The following AR variants were observed in gnomAD, a reference collection of about 807,000 sequenced individuals.
AR encodes the protein dihydrotestosterone receptor.
In AR, 8 loss-of-function variants were observed where a neutral mutation model predicts 53.9. The ratio of observed to expected loss-of-function variants is 0.15; its 90% CI spans 0.09 to 0.27. AR has a LOEUF of 0.27. Among genes scored for constraint, AR ranks in the 10% least tolerant of loss-of-function variants. AR has a pLI of 1.00. For missense variants in AR, 639 were observed against 742.5 expected (o/e 0.86, Z 1.62); for synonymous variants, 359 against 316.4 (o/e 1.13, Z -1.43).
At chrX:67,605,245 C>G (rs1923569975) in intron 1 of AR, among the ~76,000 whole-genome samples, 1 of 112,326 alleles carries the variant, frequency 8.9e-6, no homozygotes, top group South Asian at 3.7e-4. Flanking sequence ...ACTTTTGTCC[C>G]TCAGGGACCA....
At chrX:67,609,060 G>A (rs1923760516) in intron 1 of AR, among the ~76,000 whole-genome samples, 1 of 110,473 alleles carries the variant, frequency 9.1e-6, no homozygotes. Context: ...ACAGATATAA[G>A]ACATTTTCAT....
intron 2 of AR, among the ~76,000 whole-genome samples, chrX:67,666,823 C>G (rs760094755): frequency 9.0e-6 from 1 of 111,614 alleles, no homozygotes; most frequent in African/African-American, 3.2e-5. Flanking sequence ...AGGTTGAGGA[C>G]CTTGTCATAT....
chrX:67,636,510 A>G (rs898045889), intron 1 of AR, among the ~76,000 whole-genome samples: 1 of 111,461 alleles, frequency 9.0e-6, no homozygotes, highest in African/African-American at 3.3e-5. Context: ...TTCATTGCTG[A>G]TTGTAGTTTA....
chrX:67,622,417 G>T (rs1924424241), intron 1 of AR, among the ~76,000 whole-genome samples: 1 of 111,756 alleles, frequency 8.9e-6, no homozygotes, highest in South Asian at 3.8e-4. Flanking sequence ...CCATTTATGA[G>T]AGTGATTCCA....
chrX:67,609,098 T>A (rs1221700920), intron 1 of AR, among the ~76,000 whole-genome samples: 1 of 111,408 alleles, frequency 9.0e-6, no homozygotes, highest in Non-Finnish European at 1.9e-5. Context: ...TTGGAAAGCA[T>A]TGCCCTGGAG....
chrX:67,710,102 TTAGA>T (rs753615162), intron 3 of AR, among the ~76,000 whole-genome samples: 39 of 108,546 alleles, frequency 3.6e-4, no homozygotes, highest in Middle Eastern at 4.7e-3. Flanking sequence ...GTGTGTGTGT[TTAGA>T]GAGAGAGAGA....
chrX:67,693,063 A>G (rs2076003099), intron 3 of AR, among the ~76,000 whole-genome samples: 1 of 112,884 alleles, frequency 8.9e-6, no homozygotes, highest in African/African-American at 3.2e-5. Context: ...GGGATAGCAC[A>G]TATATGTTGT....
intron 2 of AR, among the ~76,000 whole-genome samples, chrX:67,673,229 T>C (rs2075876991): frequency 9.1e-6 from 1 of 110,397 alleles, no homozygotes; most frequent in South Asian, 3.8e-4. Flanking sequence ...GATTATTAAA[T>C]GCCTTGAGGT....
chrX:67,648,538 T>C (rs1160055910), intron 2 of AR, among the ~76,000 whole-genome samples: 2 of 111,451 alleles, frequency 1.8e-5, no homozygotes, highest in Non-Finnish European at 3.8e-5. Context: ...ACTCACCGGC[T>C]TAATTCTGGG....
rs1221300936 is a variant in AR, at chrX:67,544,371, C to T, written c.-776C>T. 3.1e-5 allele frequency: 3 copies of T among 97,946 alleles called. No homozygotes were observed. The East Asian group carries it at 5.7e-4, about 19-fold the overall frequency. 8.1% of individuals were successfully genotyped at this position (97,946 alleles called of 1,213,427 possible). A position where few individuals can be genotyped will look rare whatever the true frequency, so the allele number is the denominator to read the frequency against. On this transcript the variant is annotated 5_prime_UTR_variant, in exon 1 of 8. Transcript: ENST00000374690. ...CCCGCCTCCCCCCACCCTGCCTTCC[C>T]CCCCTCCCCCGTCTTCTCTCCCGCA... is the stretch of plus-strand genomic sequence containing the variant.
intron 3 of AR, among the ~76,000 whole-genome samples, chrX:67,703,640 AT>A (rs940718224): frequency 2.7e-5 from 3 of 111,791 alleles, no homozygotes; most frequent in Admixed American, 9.5e-5. Context: ...GTTACAGTGC[AT>A]TTTTTTAAAT....
rs1423374786 is a variant in AR, at chrX:67,721,805, C to T, written c.2319-28C>T. 2.5e-6 allele frequency: 3 copies of T among 1,210,302 alleles called. No homozygotes were observed. The South Asian group carries it at 5.3e-5, about 21-fold the overall frequency. On this transcript the variant is annotated intron_variant, in intron 5 of 7. Transcript: ENST00000374690. ...GCTTATTGTAAACTTCCCCTCATTC[C>T]TTTTTCCTCTGTGTATCTCCTTCCC... is the stretch of plus-strand genomic sequence containing the variant.
chrX:67,654,881 T>C (rs909433815), intron 2 of AR, among the ~76,000 whole-genome samples: 1 of 97,563 alleles, frequency 1.0e-5, no homozygotes, highest in Non-Finnish European at 2.0e-5. Flanking sequence ...GCTATGGACC[T>C]CTTGGAGGAA....
At chrX:67,685,838 A>G (rs1015725470) in intron 2 of AR, 172 bp from the exon 3 acceptor site, 18 of 702,167 alleles carry the variant, frequency 2.6e-5, no homozygotes, top group Non-Finnish European at 3.7e-5. Context: ...GCCAAATTAA[A>G]CTGTTTGAAT....
intron 1 of AR, among the ~76,000 whole-genome samples, chrX:67,576,448 A>AAGAG (rs905480036): frequency 2.7e-5 from 3 of 110,085 alleles, no homozygotes; most frequent in Non-Finnish European, 3.8e-5. Context: ...GACAAAAAAA[A>AAGAG]AGAGAGAGAG....
intron 3 of AR, among the ~76,000 whole-genome samples, chrX:67,698,944 G>A (rs1316026075): frequency 9.0e-6 from 1 of 111,663 alleles, no homozygotes; most frequent in Non-Finnish European, 1.9e-5. Context: ...TAAGAGACAG[G>A]TAGCAGCACA....
chrX:67,658,697 G>A (rs1402006332), intron 2 of AR, among the ~76,000 whole-genome samples: 1 of 111,773 alleles, frequency 8.9e-6, no homozygotes. Context: ...GAACTGTAGG[G>A]GTCAAGGCCA....
At chrX:67,626,885 GT>G (rs1185161753) in intron 1 of AR, among the ~76,000 whole-genome samples, 1 of 99,676 alleles carries the variant, frequency 1.0e-5, no homozygotes, top group Non-Finnish European at 2.0e-5. Flanking sequence ...GCGGTGTTTG[GT>G]TTTTTGTTCT....
rs1929689533 is a variant in AR, at chrX:67,545,602, T to G, written c.456T>G (p.Pro152=). 1 of 1,184,976 alleles carries G rather than the reference T, an allele frequency of 8.4e-7. No individual in the cohort carries two copies. Among genetic ancestry groups the G allele is most frequent in the African/African-American group, 1.8e-5 (1 of 56,229 alleles). ...SKGLPQQLPA[P]PDEDDSAAPS... is the part of the protein sequence containing the mutation. ...GGCTGCCGCAGCAGCTGCCAGCACC[T>G]CCGGACGAGGATGACTCAGCTGCCC... The change falls in exon 1 of 8, where the codon CCT becomes CCG. Residue 152 remains proline (P), a synonymous_variant. Coordinates refer to ENST00000374690, the MANE Select transcript of AR (RefSeq NM_000044.6).
Sources: allele counts gnomAD v4.1 joint callset (sites outside exome capture counted in the v4.1 genomes callset), GRCh38; gene constraint gnomAD v4.1.1; transcripts MANE v1.5; gene names NCBI Gene and HGNC (gene_info 2026-07-23, HGNC 2026-07-21).